Variants in ST3GAL3 observed in about 807,000 individuals in gnomAD.
The protein encoded by ST3GAL3 is ST3 beta-galactoside alpha-2,3-sialyltransferase 3.
ST3GAL3 carries 21 observed loss-of-function variants against 50.1 expected under a neutral mutation model. That is an observed-to-expected ratio of 0.42 (90% confidence interval 0.30 to 0.60). The LOEUF (loss-of-function observed/expected upper bound fraction) is 0.60. ST3GAL3 is among the 20% of genes least tolerant of loss of function. ST3GAL3 has a pLI of 0.19. For synonymous variants in ST3GAL3, 183 were observed against 190.0 expected (o/e 0.96, Z 0.30); for missense variants, 353 against 489.4 (o/e 0.72, Z 2.63).
At chr1:43,926,126 C>A (rs2083872436) in intron 11 of ST3GAL3, among the ~76,000 whole-genome samples, 1 of 152,150 alleles carries the variant, frequency 6.6e-6, no homozygotes. Context: ...ATCTGTCACA[C>A]AGCAGAGAAG....
intron 9 of ST3GAL3, chr1:43,919,382 T>G (rs2082649999): frequency 6.6e-6 from 1 of 152,312 alleles, no homozygotes. Flanking sequence ...CCTGGCTGAT[T>G]CTTTTAGGTT....
At chr1:43,855,261 C>T (rs555309351) in intron 5 of ST3GAL3, among the ~76,000 whole-genome samples, 2 of 152,222 alleles carry the variant, frequency 1.3e-5, no homozygotes, top group South Asian at 2.1e-4. Context: ...ACAATGGGAG[C>T]GGATCATAAT....
At chr1:43,858,438 G>C in intron 5 of ST3GAL3, 18 of 765,226 alleles carry the variant, frequency 2.4e-5, no homozygotes, top group Non-Finnish European at 3.0e-5. Context: ...GTGAGAGCAG[G>C]CAGGCTGGCT....
At chr1:43,815,076 C>A in intron 4 of ST3GAL3, 143 bp downstream of exon 4, 1 of 864,444 alleles carries the variant, frequency 1.2e-6, no homozygotes. Context: ...TCAGCAGAAT[C>A]TTGGGGCATG....
chr1:43,858,423 C>CT, intron 5 of ST3GAL3: 1 of 919,838 alleles, frequency 1.1e-6, no homozygotes, highest in Non-Finnish European at 1.4e-6. Context: ...GAAGCACAGT[C>CT]CCTGGTGAGA....
intron 5 of ST3GAL3, among the ~76,000 whole-genome samples, chr1:43,885,845 G>A (rs780907294): frequency 5.3e-5 from 8 of 152,200 alleles, no homozygotes; most frequent in Non-Finnish European, 1.0e-4. Flanking sequence ...CTCCCTCGGG[G>A]AGTCAGGGGA....
intron 9 of ST3GAL3, among the ~76,000 whole-genome samples, chr1:43,907,413 T>C (rs1017008341): frequency 3.9e-5 from 6 of 152,192 alleles, no homozygotes; most frequent in Non-Finnish European, 8.8e-5. Flanking sequence ...ACACATGGTG[T>C]CACCTTAGTA....
rs1691064397 is a variant in ST3GAL3, at chr1:43,762,851, T to C, written c.118+26471T>C. Among the ~76,000 whole-genome samples, 7 of 152,138 alleles carry C rather than the reference T, an allele frequency of 4.6e-5. No homozygotes were observed. In the South Asian group the frequency reaches 1.5e-3, roughly 32 times the overall value. On this transcript the variant is annotated intron_variant, in intron 2 of 11. Coordinates refer to ENST00000347631, the MANE Select transcript of ST3GAL3 (RefSeq NM_006279.5). ...TGAAAGGGGACCAAAAACCAAGTCCTGGGGAAATGATAACCAAGGAGGGGT... is the reference window on the plus strand; with the variant it reads ...TGAAAGGGGACCAAAAACCAAGTCCCGGGGAAATGATAACCAAGGAGGGGT...
intron 2 of ST3GAL3, among the ~76,000 whole-genome samples, chr1:43,778,631 CTTTTCTTT>C (rs1237668426): frequency 1.4e-5 from 2 of 143,750 alleles, no homozygotes; most frequent in African/African-American, 2.5e-5. Context: ...ATCCAGATTT[CTTTTCTTT>C]TTTTCTTTTT....
At chr1:43,766,568 G>A (rs990431483) in intron 2 of ST3GAL3, among the ~76,000 whole-genome samples, 2 of 152,134 alleles carry the variant, frequency 1.3e-5, no homozygotes, top group Non-Finnish European at 1.5e-5. Flanking sequence ...AAGCTTCAGT[G>A]AGAGCTGAGA....
intron 1 of ST3GAL3, among the ~76,000 whole-genome samples, chr1:43,732,935 A>G (rs1676564792): frequency 6.6e-6 from 1 of 152,146 alleles, no homozygotes; most frequent in Admixed American, 6.5e-5. Flanking sequence ...TTTTTTTAAT[A>G]GTAAAAAATT....
chr1:43,828,967 T>C (rs1218778850), intron 4 of ST3GAL3, among the ~76,000 whole-genome samples: 3 of 152,194 alleles, frequency 2.0e-5, no homozygotes, highest in African/African-American at 4.8e-5. Context: ...TACATGAATA[T>C]TTATAGCAGC....
intron 4 of ST3GAL3, among the ~76,000 whole-genome samples, chr1:43,824,108 T>C (rs551610094): frequency 6.6e-6 from 1 of 152,350 alleles, no homozygotes; most frequent in Admixed American, 6.5e-5. Context: ...AGTAAATATT[T>C]GTTCAATCAA....
chr1:43,826,272 A>G (rs2154188107), intron 4 of ST3GAL3, among the ~76,000 whole-genome samples: 1 of 152,306 alleles, frequency 6.6e-6, no homozygotes, highest in East Asian at 1.9e-4. Context: ...CAAAAGAAAA[A>G]GGATAATAAA....
At chr1:43,923,925 T>A (rs1476051993) in intron 11 of ST3GAL3, among the ~76,000 whole-genome samples, 1 of 152,064 alleles carries the variant, frequency 6.6e-6, no homozygotes, top group East Asian at 1.9e-4. Flanking sequence ...CTGAGTCTTA[T>A]AAGGGCACTA....
intron 2 of ST3GAL3, among the ~76,000 whole-genome samples, chr1:43,774,436 A>G (rs1696429220): frequency 6.6e-6 from 1 of 152,196 alleles, no homozygotes; most frequent in Non-Finnish European, 1.5e-5. Flanking sequence ...TGAGTGGATC[A>G]CTGAGGGAGC....
intron 4 of ST3GAL3, 63 bp downstream of exon 4, chr1:43,814,996 C>T (rs1180550106): frequency 1.3e-6 from 2 of 1,512,218 alleles, no homozygotes; most frequent in African/African-American, 2.7e-5. Flanking sequence ...CTGGGTCTCA[C>T]TTTGAAGGGT....
At chr1:43,747,269 G>A (rs1022967060) in intron 2 of ST3GAL3, among the ~76,000 whole-genome samples, 13 of 152,022 alleles carry the variant, frequency 8.6e-5, no homozygotes, top group African/African-American at 2.4e-4. Context: ...TTAGCCTGCC[G>A]GACATGGTGG....
intron 9 of ST3GAL3, among the ~76,000 whole-genome samples, chr1:43,915,982 G>A (rs930170515): frequency 2.0e-5 from 3 of 152,196 alleles, no homozygotes; most frequent in African/African-American, 7.2e-5. Flanking sequence ...AGCTGGGCAT[G>A]GTGGCAGGCA....
Sources: gnomAD v4.1 joint callset for allele counts (sites outside exome capture counted in the v4.1 genomes callset) on GRCh38, gnomAD v4.1.1 for gene constraint, MANE v1.5 for transcripts, NCBI Gene and HGNC (gene_info 2026-07-23, HGNC 2026-07-21) for gene names.